Variants in GPD2 observed in about 807,000 individuals in gnomAD.
GPD2 encodes the protein glycerol-3-phosphate dehydrogenase, mitochondrial.
In GPD2, 54 loss-of-function variants were observed where a neutral mutation model predicts 82.4. The observed-to-expected ratio is 0.66, with a 90% CI of 0.53 to 0.82. The LOEUF is 0.82. GPD2 is among the 40% of genes least tolerant of loss of function. GPD2 has a pLI of 0.00. For missense variants in GPD2, 748 were observed against 896.2 expected, an observed-to-expected ratio of 0.83 and a Z score of 2.11; for synonymous variants, 288 against 306.1, an observed-to-expected ratio of 0.94 and a Z score of 0.62.
intron 1 of GPD2, among the ~76,000 whole-genome samples, chr2:156,451,458 C>A (rs1246175804): frequency 1.7e-4 from 11 of 65,520 alleles, no homozygotes; most frequent in Non-Finnish European, 2.7e-4. Context: ...GGCGGCTGGC[C>A]GGGCGGGGGG....
At chr2:156,468,998 T>C (rs767122415) in intron 1 of GPD2, among the ~76,000 whole-genome samples, 6 of 152,172 alleles carry the variant, frequency 3.9e-5, no homozygotes, top group Non-Finnish European at 8.8e-5. Flanking sequence ...TTGGTAGCCA[T>C]CCTCTACTCT....
chr2:156,437,949 T>C (rs1170027803), intron 1 of GPD2, among the ~76,000 whole-genome samples: 1 of 152,220 alleles, frequency 6.6e-6, no homozygotes, highest in Non-Finnish European at 1.5e-5. Context: ...CTATTATAAC[T>C]CTGAACTTAT....
chr2:156,555,464 A>C (rs980695779), intron 8 of GPD2, among the ~76,000 whole-genome samples: 85 of 152,222 alleles, frequency 5.6e-4, no homozygotes, highest in African/African-American at 2.0e-3. Context: ...CTAGTCCTTG[A>C]TATAGTCATA....
chr2:156,498,262 A>C (rs185332473), intron 3 of GPD2, among the ~76,000 whole-genome samples: 1 of 152,314 alleles, frequency 6.6e-6, no homozygotes, highest in African/African-American at 2.4e-5. Flanking sequence ...TGGTACCGTT[A>C]GTGTGCCCAC....
rs9712277 is a variant in GPD2 at position 156,489,751 on chromosome 2, G to C, written c.103-6293G>C. On this transcript the variant is annotated intron_variant, in intron 2 of 16. Transcript: ENST00000438166. The stretch of plus-strand genomic sequence containing the variant: ...CCCTCCCTCCCTCCCTCCCTCCCTC[G>C]CTCCCTTCTCTTCGTCCCTTCCCTC... Among the ~76,000 whole-genome samples the C allele has an allele frequency of 5.5e-4, 27 of 48,926 alleles. 2 individuals are homozygous for C. The South Asian group carries it at 0.019, about 34-fold the overall frequency. The allele number at this position is 48,926 out of a possible 152,430, so 32.1% of individuals were successfully genotyped here. A position where few individuals can be genotyped will look rare whatever the true frequency, so the allele number is the denominator to read the frequency against.
rs765263129 is a variant in GPD2, at chr2:156,571,235, A to G, written c.1710A>G (p.Leu570=). Residue 570 remains leucine, a synonymous_variant, in exon 13 of 17, where the codon CTA becomes CTG. Coordinates refer to ENST00000438166, the MANE Select transcript of GPD2 (RefSeq NM_000408.5). The stretch of plus-strand genomic sequence containing the variant: ...ATGTCCAGGCAGCAGAGGAAGCCCT[A>G]CCCAGGATTGTTGAACTGATGGGCA... ...FLNVQAAEEA[L]PRIVELMGRE... 3 of 1,612,674 alleles carry G rather than the reference A, an allele frequency of 1.9e-6. No individual in the cohort carries two copies. Among genetic ancestry groups the G allele is most frequent in the South Asian group, 2.2e-5 (2 of 91,030 alleles).
At chr2:156,576,866 A>G (rs149622256) in intron 13 of GPD2, among the ~76,000 whole-genome samples, 3 of 152,298 alleles carry the variant, frequency 2.0e-5, no homozygotes, top group African/African-American at 7.2e-5. Flanking sequence ...TGGATTTTGA[A>G]CAAGTTGTGT....
chr2:156,457,017 A>G (rs1050869689), intron 1 of GPD2, among the ~76,000 whole-genome samples: 2 of 152,098 alleles, frequency 1.3e-5, no homozygotes, highest in Admixed American at 6.6e-5. Flanking sequence ...ATATTTTGAG[A>G]TTAGGGTATC....
intron 1 of GPD2, among the ~76,000 whole-genome samples, chr2:156,460,678 C>G (rs1361637946): frequency 6.6e-6 from 1 of 152,030 alleles, no homozygotes; most frequent in Non-Finnish European, 1.5e-5. Flanking sequence ...GGAAACAACC[C>G]CAGCCCAAGG....
intron 1 of GPD2, among the ~76,000 whole-genome samples, chr2:156,446,948 C>T (rs11694661): frequency 0.031 from 4,758 of 152,194 alleles, 136 homozygotes; most frequent in Non-Finnish European, 0.051. Context: ...ATCCATCAAC[C>T]CCTCATTAAT....
chr2:156,436,283 G>A (rs143189331), upstream of GPD2: 4,145 of 152,820 alleles, frequency 0.027, 114 homozygotes, highest in Admixed American at 0.077. Context: ...GCCTCCGGGA[G>A]GGAGCAGGCG....
the GPD2 span, among the ~76,000 whole-genome samples, chr2:156,407,475 AT>A: frequency 6.6e-6 from 1 of 152,146 alleles, no homozygotes; most frequent in Non-Finnish European, 1.5e-5. Context: ...CTCTATGTTC[AT>A]TTTTTAAACT....
chr2:156,422,599 A>G, the GPD2 span, among the ~76,000 whole-genome samples: 149,578 of 151,968 alleles, frequency 0.98, 73,666 homozygotes, highest in Middle Eastern at 1. Flanking sequence ...GCATGGTGGC[A>G]GGCACCTGTA....
intron 1 of GPD2, among the ~76,000 whole-genome samples, chr2:156,456,542 G>A (rs1166812341): frequency 6.6e-6 from 1 of 151,864 alleles, no homozygotes; most frequent in Non-Finnish European, 1.5e-5. Context: ...GGTGGAGGTT[G>A]CAGAGATCAC....
chr2:156,520,864 G>A (rs1279314213), intron 6 of GPD2, among the ~76,000 whole-genome samples: 8 of 152,162 alleles, frequency 5.3e-5, no homozygotes, highest in South Asian at 2.1e-4. Flanking sequence ...GGGATTGCAG[G>A]CGTGAGCCAC....
Position 156,541,828 on chromosome 2 carries a change from T to TTTG in GPD2, c.662-7778_662-7777insGTT, listed in dbSNP as rs1244067137. 4.3e-5 allele frequency among the ~76,000 whole-genome samples: 6 copies of TTTG among 140,662 alleles called. 1 individual carries two copies. Among genetic ancestry groups the TTTG allele is most frequent in the African/African-American group, 1.3e-4 (5 of 37,940 alleles). 92.3% of individuals were successfully genotyped at this position (140,662 alleles called of 152,430 possible). A position where few individuals can be genotyped will look rare whatever the true frequency, so the allele number is the denominator to read the frequency against. On this transcript the variant is annotated intron_variant, in intron 6 of 16. Coordinates refer to ENST00000438166, the MANE Select transcript of GPD2 (RefSeq NM_000408.5). ...TAAACGTATAAAATGCTGTTTGTTTTTTTTTTTTTTTTTTTTTTGGCTGTG... is the reference window on the plus strand; with the variant it reads ...TAAACGTATAAAATGCTGTTTGTTTTTTGTTTTTTTTTTTTTTTTTTGGCTGTG...
At chr2:156,554,354 G>A (rs1340665579) in intron 8 of GPD2, among the ~76,000 whole-genome samples, 1 of 152,216 alleles carries the variant, frequency 6.6e-6, no homozygotes, top group Admixed American at 6.5e-5. Context: ...GCATGTTTCA[G>A]TTAGAACCTG....
At chr2:156,581,221 AT>A (rs1275226016) in intron 16 of GPD2, among the ~76,000 whole-genome samples, 2 of 152,106 alleles carry the variant, frequency 1.3e-5, no homozygotes, top group African/African-American at 4.8e-5. Context: ...GGGACTATTC[AT>A]GCTTTTACTA....
intron 9 of GPD2, among the ~76,000 whole-genome samples, chr2:156,568,129 G>T (rs1687457935): frequency 6.6e-6 from 1 of 152,146 alleles, no homozygotes; most frequent in South Asian, 2.1e-4. Flanking sequence ...AAGGAAGAAG[G>T]TTCTGATGCT....
Sources: allele counts gnomAD v4.1 joint callset (sites outside exome capture counted in the v4.1 genomes callset), GRCh38; gene constraint gnomAD v4.1.1; transcripts MANE v1.5; gene names NCBI Gene and HGNC (gene_info 2026-07-23, HGNC 2026-07-21).